Variants in PDE1C observed in about 807,000 individuals in gnomAD.
PDE1C encodes the protein dual specificity calcium/calmodulin-dependent 3',5'-cyclic nucleotide phosphodiesterase 1C.
Under a neutral mutation model 93.1 loss-of-function variants are expected in PDE1C, and 62 were observed. The ratio of observed to expected loss-of-function variants is 0.67; its 90% CI spans 0.54 to 0.82. The LOEUF (loss-of-function observed/expected upper bound fraction) is 0.82, where lower values mean the gene tolerates loss of function less well. Ranked by LOEUF, PDE1C falls within the 40% of genes least tolerant of loss-of-function variation. The pLI, the probability that PDE1C is intolerant of heterozygous loss-of-function variation, is 0.00. For synonymous variants in PDE1C, 325 were observed against 310.1 expected (o/e 1.05, Z -0.50); for missense variants, 742 against 884.6 (o/e 0.84, Z 2.04).
chr7:31,712,286 G>GTGAGTGAGTGAATGAA, the PDE1C span, among the ~76,000 whole-genome samples: 309 of 151,406 alleles, frequency 2.0e-3, 2 homozygotes, highest in Middle Eastern at 6.8e-3. Context: ...GAGTGAGTGA[G>GTGAGTGAGTGAATGAA]TGAATGAATG....
At chr7:32,045,056 C>A (rs1210063808) in intron 2 of PDE1C, among the ~76,000 whole-genome samples, 2 of 138,968 alleles carry the variant, frequency 1.4e-5, no homozygotes, top group Non-Finnish European at 1.6e-5. Flanking sequence ...GCCCTGCCCC[C>A]CTCCCACCCC....
At chr7:31,897,827 T>G (rs1799495372) in intron 2 of PDE1C, among the ~76,000 whole-genome samples, 1 of 152,214 alleles carries the variant, frequency 6.6e-6, no homozygotes, top group African/African-American at 2.4e-5. Context: ...TAGAAGAACT[T>G]CTGCTCAAGA....
At chr7:32,228,083 T>C (rs1013633568) in intron 1 of PDE1C, among the ~76,000 whole-genome samples, 1 of 152,234 alleles carries the variant, frequency 6.6e-6, no homozygotes, top group Non-Finnish European at 1.5e-5. Context: ...CACAGGCATA[T>C]GTGAGATAAC....
chr7:32,265,040 A>G (rs1810466095), intron 1 of PDE1C, among the ~76,000 whole-genome samples: 1 of 152,218 alleles, frequency 6.6e-6, no homozygotes, highest in African/African-American at 2.4e-5. Context: ...TCACTCAGAA[A>G]TATAAAATTA....
At chr7:31,780,378 T>C (rs1233872843) in intron 16 of PDE1C, among the ~76,000 whole-genome samples, 1 of 152,236 alleles carries the variant, frequency 6.6e-6, no homozygotes, top group Admixed American at 6.5e-5. Context: ...ACCCAGTTTA[T>C]GGCATAATGC....
At chr7:31,757,332 T>C (rs1289881311) in intron 17 of PDE1C, among the ~76,000 whole-genome samples, 1 of 152,250 alleles carries the variant, frequency 6.6e-6, no homozygotes, top group African/African-American at 2.4e-5. Context: ...TTTGGTTGTT[T>C]ATACTTTCTA....
chr7:31,734,189 GC>G, the PDE1C span, among the ~76,000 whole-genome samples: 6 of 152,226 alleles, frequency 3.9e-5, no homozygotes, highest in African/African-American at 1.4e-4. Context: ...GTAACACACA[GC>G]CCCTGCCCTG....
intron 16 of PDE1C, chr7:31,786,123 C>T (rs954621464): frequency 3.3e-5 from 5 of 152,146 alleles, no homozygotes; most frequent in African/African-American, 9.7e-5. Flanking sequence ...GCAGTGATTC[C>T]TCATGCTGCA....
chr7:32,024,086 A>G (rs1487485547), intron 2 of PDE1C, among the ~76,000 whole-genome samples: 1 of 152,120 alleles, frequency 6.6e-6, no homozygotes, highest in Admixed American at 6.6e-5. Context: ...TTTAAAATAT[A>G]TGTAGTCAAT....
chr7:31,766,722 A>G (rs1562759586), intron 17 of PDE1C, among the ~76,000 whole-genome samples: 1 of 152,218 alleles, frequency 6.6e-6, no homozygotes, highest in South Asian at 2.1e-4. Flanking sequence ...TAGAAAGCAT[A>G]TATCTTGTTG....
the PDE1C span, among the ~76,000 whole-genome samples, chr7:31,690,336 T>C: frequency 6.6e-6 from 1 of 152,194 alleles, no homozygotes; most frequent in South Asian, 2.1e-4. Flanking sequence ...TCACAGTTAC[T>C]CCACCCAGTA....
the PDE1C span, among the ~76,000 whole-genome samples, chr7:31,624,818 C>A: frequency 2.6e-5 from 4 of 152,084 alleles, no homozygotes. Context: ...AAGAAACTAC[C>A]ATCAGAGTGA....
At chr7:32,151,293 G>T (rs979867183) in intron 3 of PDE1C, among the ~76,000 whole-genome samples, 16 of 152,196 alleles carry the variant, frequency 1.1e-4, no homozygotes, top group African/African-American at 3.1e-4. Context: ...CTGTTCCCAT[G>T]AAATACTTCA....
At chr7:32,133,179 T>A (rs572686721) in intron 3 of PDE1C, among the ~76,000 whole-genome samples, 16 of 152,172 alleles carry the variant, frequency 1.1e-4, no homozygotes, top group Non-Finnish European at 1.9e-4. Context: ...TGGACATATA[T>A]ACAGCGTTTA....
chr7:31,881,490 GT>G (rs78995905), intron 2 of PDE1C, among the ~76,000 whole-genome samples: 18,390 of 152,160 alleles, frequency 0.12, 1,613 homozygotes, highest in East Asian at 0.26. Context: ...AATAAAACAT[GT>G]TTTTTCTGTT....
At chr7:32,071,022 G>C (rs1374207523), upstream of PDE1C, 2 of 985,266 alleles carry the variant, frequency 2.0e-6, no homozygotes, top group African/African-American at 1.7e-5. Flanking sequence ...AGTGAGAAAA[G>C]TCGTCTGTCA....
At chr7:31,802,006 A>C (rs1216200026) in intron 16 of PDE1C, among the ~76,000 whole-genome samples, 1 of 151,492 alleles carries the variant, frequency 6.6e-6, no homozygotes, top group Admixed American at 6.6e-5. Context: ...AATATATTTG[A>C]ATATTACAAT....
chr7:31,651,381 G>A, the PDE1C span: 2 of 1,248,602 alleles, frequency 1.6e-6, no homozygotes, highest in Non-Finnish European at 2.1e-6. Flanking sequence ...TGAGAAACCG[G>A]CCAGCTTTTC....
intron 3 of PDE1C, among the ~76,000 whole-genome samples, chr7:32,152,984 A>G (rs6415258): frequency 0.76 from 115,205 of 152,104 alleles, 43,756 homozygotes; most frequent in Middle Eastern, 0.89. Flanking sequence ...CAGGGCATGC[A>G]TATTATTTTT....
Sources: gnomAD v4.1 joint callset for allele counts (sites outside exome capture counted in the v4.1 genomes callset) on GRCh38, gnomAD v4.1.1 for gene constraint, MANE v1.5 for transcripts, NCBI Gene and HGNC (gene_info 2026-07-23, HGNC 2026-07-21) for gene names.